The following JPH3 variants were observed in gnomAD, a reference collection of about 807,000 sequenced individuals.
JPH3 encodes the protein junctophilin-3.
Under a neutral mutation model 59.6 loss-of-function variants are expected in JPH3, and 11 were observed. That is an observed-to-expected ratio of 0.18 (90% CI 0.12 to 0.31). The LOEUF is 0.31. JPH3 is among the 10% of genes least tolerant of loss of function. The pLI is 1.00. For missense variants in JPH3, 1,202 were observed against 1,105.7 expected (o/e 1.09, Z -1.24); for synonymous variants, 673 against 483.6 (o/e 1.39, Z -5.14).
intron 2 of JPH3, among the ~76,000 whole-genome samples, chr16:87,659,451 C>T (rs1287860753): frequency 6.7e-6 from 1 of 150,304 alleles, no homozygotes; most frequent in Non-Finnish European, 1.5e-5. Context: ...TGGCCAGGCA[C>T]AGTGGCTCAC....
chr16:87,620,431 G>A (rs544855283), intron 1 of JPH3, among the ~76,000 whole-genome samples: 3 of 122,924 alleles, frequency 2.4e-5, no homozygotes, highest in African/African-American at 8.8e-5. Context: ...AGAGAGGTGG[G>A]AGGGGAGGGA....
intron 2 of JPH3, among the ~76,000 whole-genome samples, chr16:87,670,749 C>T (rs1190404598): frequency 6.6e-6 from 1 of 152,218 alleles, no homozygotes; most frequent in African/African-American, 2.4e-5. Flanking sequence ...CAGGGGCCTA[C>T]GCAGGGGCCT....
intron 1 of JPH3, among the ~76,000 whole-genome samples, chr16:87,606,934 C>G (rs1302634347): frequency 3.9e-5 from 6 of 152,112 alleles, no homozygotes; most frequent in African/African-American, 1.4e-4. Flanking sequence ...TTGTTATTCT[C>G]ATTTTCCACA....
intron 2 of JPH3, among the ~76,000 whole-genome samples, chr16:87,650,943 A>G (rs905191944): frequency 1.3e-5 from 2 of 152,278 alleles, no homozygotes; most frequent in Non-Finnish European, 2.9e-5. Flanking sequence ...TCGATGGAAC[A>G]GCTTTCTATT....
intron 4 of JPH3, among the ~76,000 whole-genome samples, chr16:87,691,410 G>T (rs976178702): frequency 6.6e-6 from 1 of 152,240 alleles, no homozygotes; most frequent in Non-Finnish European, 1.5e-5. Flanking sequence ...GCAGTGCGTG[G>T]TGCTGAACAG....
intron 1 of JPH3, among the ~76,000 whole-genome samples, chr16:87,623,639 G>A (rs1431294921): frequency 6.6e-6 from 1 of 152,142 alleles, no homozygotes; most frequent in Non-Finnish European, 1.5e-5. Flanking sequence ...CCGAGTTCCG[G>A]ACCCCCTCAC....
chr16:87,602,377 C>T (rs2030235921), upstream of JPH3, among the ~76,000 whole-genome samples: 1 of 125,484 alleles, frequency 8.0e-6, no homozygotes, highest in Admixed American at 7.8e-5. Flanking sequence ...GCGCCCTAGC[C>T]TGCTGGGCCG....
chr16:87,633,372 G>T (rs1166346361), intron 1 of JPH3, among the ~76,000 whole-genome samples: 2 of 151,000 alleles, frequency 1.3e-5, no homozygotes, highest in Non-Finnish European at 2.9e-5. Context: ...GGTAGAGGAT[G>T]CCGGGGGTGG....
At chr16:87,623,298 G>T (rs564219538) in intron 1 of JPH3, among the ~76,000 whole-genome samples, 2 of 152,342 alleles carry the variant, frequency 1.3e-5, no homozygotes, top group South Asian at 2.1e-4. Flanking sequence ...GGCAGGCGAG[G>T]GTGGACACTG....
chr16:87,662,133 G>T (rs868258182), intron 2 of JPH3, among the ~76,000 whole-genome samples: 1 of 152,158 alleles, frequency 6.6e-6, no homozygotes, highest in Non-Finnish European at 1.5e-5. Context: ...GGATCCGTAG[G>T]CCTCCCCTGC....
chr16:87,649,931 C>T (rs1162201846), intron 2 of JPH3, among the ~76,000 whole-genome samples: 2 of 152,332 alleles, frequency 1.3e-5, no homozygotes, highest in South Asian at 2.1e-4. Flanking sequence ...CTGCTGGGAC[C>T]CCCTCTCTGC....
intron 2 of JPH3, among the ~76,000 whole-genome samples, chr16:87,650,205 G>A (rs2032286955): frequency 6.6e-6 from 1 of 152,190 alleles, no homozygotes; most frequent in African/African-American, 2.4e-5. Context: ...AATTCTCACG[G>A]TATTTCAAGC....
chr16:87,634,879 C>T (rs753876037), intron 1 of JPH3, among the ~76,000 whole-genome samples: 9 of 152,230 alleles, frequency 5.9e-5, no homozygotes, highest in African/African-American at 2.2e-4. Flanking sequence ...GGTTTCAGTC[C>T]CGCTCTAGCT....
chr16:87,622,912 G>A (rs112074424), intron 1 of JPH3, among the ~76,000 whole-genome samples: 10,829 of 152,202 alleles, frequency 0.071, 469 homozygotes, highest in Non-Finnish European at 0.098. Flanking sequence ...GTATGAGAGG[G>A]CCCTGGGGTC....
At chr16:87,629,956 C>T (rs2031511921) in intron 1 of JPH3, among the ~76,000 whole-genome samples, 1 of 152,114 alleles carries the variant, frequency 6.6e-6, no homozygotes, top group Non-Finnish European at 1.5e-5. Context: ...TTATTTTTCT[C>T]TAAAGCTAAA....
At chr16:87,669,552 C>T (rs139708468) in intron 2 of JPH3, among the ~76,000 whole-genome samples, 50 of 152,288 alleles carry the variant, frequency 3.3e-4, no homozygotes, top group African/African-American at 9.4e-4. Flanking sequence ...ACGGTGCTCA[C>T]GACAGAAAGC....
At chr16:87,602,190 T>G (rs2030224723), upstream of JPH3, 1 of 151,324 alleles carries the variant, frequency 6.6e-6, no homozygotes, top group Admixed American at 6.6e-5. Context: ...CCCTGAGTGC[T>G]GCGCGCCTTC....
intron 1 of JPH3, among the ~76,000 whole-genome samples, chr16:87,639,084 C>T (rs1054339368): frequency 2.6e-5 from 4 of 152,154 alleles, no homozygotes; most frequent in East Asian, 3.9e-4. Flanking sequence ...CCCTCTCCAG[C>T]CTCAGTTGCC....
At chr16:87,660,725 A>T (rs370686184) in intron 2 of JPH3, among the ~76,000 whole-genome samples, 1 of 152,158 alleles carries the variant, frequency 6.6e-6, no homozygotes, top group Non-Finnish European at 1.5e-5. Flanking sequence ...TCACACTGTC[A>T]TATCGCCTGT....
Sources: allele counts gnomAD v4.1 joint callset (sites outside exome capture counted in the v4.1 genomes callset), GRCh38; gene constraint gnomAD v4.1.1; transcripts MANE v1.5; gene names NCBI Gene and HGNC (gene_info 2026-07-23, HGNC 2026-07-21).